ABCC2: variants seen among roughly 807,000 people sequenced by gnomAD.
ABCC2 encodes ATP binding cassette subfamily C member 2, also known as ATP-binding cassette sub-family C member 2.
In ABCC2, 157 loss-of-function variants were observed where a neutral mutation model predicts 173.4. The ratio of observed to expected loss-of-function variants is 0.91; its 90% CI spans 0.80 to 1.03. The LOEUF (loss-of-function observed/expected upper bound fraction) is 1.03. ABCC2 is among the 50% of genes least tolerant of loss of function. The pLI, the probability that ABCC2 is intolerant of heterozygous loss-of-function variation, is 0.00. For missense variants in ABCC2, 1,822 were observed against 1,852.3 expected, an observed-to-expected ratio of 0.98 and a Z score of 0.30; for synonymous variants, 657 against 693.5, an observed-to-expected ratio of 0.95 and a Z score of 0.83.
intron 9 of ABCC2, among the ~76,000 whole-genome samples, chr10:99,802,013 T>C (rs1231231855): frequency 6.6e-6 from 1 of 152,222 alleles, no homozygotes; most frequent in African/African-American, 2.4e-5. Context: ...GATACTGAGT[T>C]TCTGCTGGTT....
At position 99,831,619 on chromosome 10, in the gene ABCC2, C is replaced by G; in HGVS notation, c.2892C>G (p.Phe964Leu). ...AGGTGGGGACTTTGCAGGTGAAGTT[C>G]TCCATCTACCTGGAGTACCTACAAG... ...KEFIETGKVKFSIYLEYLQAI... is the reference protein window; with the variant it reads ...KEFIETGKVKLSIYLEYLQAI... The change falls in exon 22 of 32, where the codon TTC (phenylalanine) becomes TTG (leucine). Residue 964 changes from phenylalanine (F) to leucine (L), a missense_variant. Transcript: ENST00000647814. 6.2e-7 allele frequency: 1 copy of G among 1,614,042 alleles called. No individual in the cohort carries two copies. Among genetic ancestry groups the G allele is most frequent in the Non-Finnish European group, 8.5e-7 (1 of 1,179,928 alleles).
In ABCC2 at chr10:99,832,145, G is replaced by C. The variant is rs2038752417; in HGVS notation, c.3258+14G>C. ...AGGTTTGCCGGCGTAAGTATCTCAA[G>C]AACTGTCAGGTGGTGTGTTTATATA... On this transcript the variant is annotated intron_variant, in intron 23 of 31. Transcript: ENST00000647814. 6.2e-7 allele frequency: 1 copy of C among 1,614,008 alleles called. No individual in the cohort carries two copies. The highest frequency in any genetic ancestry group is 1.3e-5 in the African/African-American group (1 of 74,898).
At chr10:99,841,943 C>G (rs2038952924) in intron 25 of ABCC2, 24 bp from the exon 26 acceptor site, 1 of 1,613,910 alleles carries the variant, frequency 6.2e-7, no homozygotes, top group Non-Finnish European at 8.5e-7. Context: ...GTGACACGCA[C>G]TCTCTGGTTC....
At chr10:99,797,387 A>G (rs2037936584) in intron 7 of ABCC2, 56 bp downstream of exon 7, 1 of 1,470,662 alleles carries the variant, frequency 6.8e-7, no homozygotes, top group South Asian at 1.2e-5. Context: ...GCAAGGGTAC[A>G]TCAGCATCAT....
chr10:99,818,797 A>G lies in ABCC2; in HGVS notation c.2279A>G (p.Asn760Ser), dbSNP rs149694648. ...AATTATTTTCTTCTTCAGGGTATAA[A>G]TCTTAGTGGGGGTCAGAAGCAGCGG... ...DLAEIGEKGI[N>S]LSGGQKQRIS... Residue 760 changes from asparagine to serine, a missense_variant, in exon 18 of 32, where the codon AAT (asparagine) becomes AGT (serine). By Grantham distance (46) the Asn-to-Ser change is conservative. Transcript: ENST00000647814. The G allele has an allele frequency of 1.8e-5, 29 of 1,613,996 alleles. No individual in the cohort carries two copies. The highest frequency in any genetic ancestry group is 2.5e-5 in the Non-Finnish European group (29 of 1,180,042).
Position 99,844,404 on chromosome 10 carries a change from A to G in ABCC2, c.3926A>G (p.Tyr1309Cys), listed in dbSNP as rs972633238. Residue 1309 changes from tyrosine (Y) to cysteine (C), a missense_variant, in exon 28 of 32, where the codon TAC becomes TGC. By Grantham distance (194) the Tyr-to-Cys change is radical. Transcript: ENST00000647814. ...CAGTTTAACAACTACCAAGTGCGGT[A>G]CCGACCTGAGCTGGATCTGGTCCTC... ...KIQFNNYQVR[Y>C]RPELDLVLRG... is the part of the protein sequence containing the mutation. 1.9e-6 allele frequency: 3 copies of G among 1,614,254 alleles called. No individual in the cohort carries two copies. The highest frequency in any genetic ancestry group is 2.5e-6 in the Non-Finnish European group (3 of 1,180,050).
At chr10:99,784,344 A>C (rs1213374098) in intron 1 of ABCC2, among the ~76,000 whole-genome samples, 1 of 152,232 alleles carries the variant, frequency 6.6e-6, no homozygotes, top group Non-Finnish European at 1.5e-5. Flanking sequence ...AGGTTTACTC[A>C]GAATAGCTGG....
chr10:99,849,347 G>A (rs1243929234), intron 30 of ABCC2, among the ~76,000 whole-genome samples: 1 of 152,222 alleles, frequency 6.6e-6, no homozygotes, highest in Non-Finnish European at 1.5e-5. Context: ...GTCAGTAAAT[G>A]CCAGTACAGT....
In ABCC2 at chr10:99,792,144, G is replaced by A. The variant is rs190736822; in HGVS notation, c.208-90G>A. On this transcript the variant is annotated intron_variant, in intron 2 of 31. Coordinates refer to ENST00000647814, the MANE Select transcript of ABCC2 (RefSeq NM_000392.5). ...TGTGTTATCTGAATCACTGCATACC[G>A]CTTTTCCTATCCATCACCGGAAACC... is the stretch of plus-strand genomic sequence containing the variant. 2.3e-4 allele frequency: 355 copies of A among 1,524,508 alleles called. 2 individuals carry two copies. In the South Asian group the frequency reaches 2.4e-3, roughly 10 times the overall value. 94.4% of individuals were successfully genotyped at this position (1,524,508 alleles called of 1,614,324 possible).
chr10:99,821,297 A>G (rs904133971), intron 19 of ABCC2, among the ~76,000 whole-genome samples: 1 of 152,146 alleles, frequency 6.6e-6, no homozygotes, highest in Non-Finnish European at 1.5e-5. Flanking sequence ...ATTGCCCAGG[A>G]ACGGGCAGGA....
Position 99,845,802 on chromosome 10 carries a change from C to A in ABCC2, c.4146+20C>A, listed in dbSNP as rs370967852. 7.5e-6 allele frequency: 12 copies of A among 1,602,156 alleles called. No homozygotes were observed. The African/African-American group carries it at 1.5e-4, about 20-fold the overall frequency. Reference sequence around the variant, plus strand: ...CCCCAGGTGAGCTCTAGAACTTACTCGGGCACATGCCGTGGGGAGCAGCTT... The same window carrying A: ...CCCCAGGTGAGCTCTAGAACTTACTAGGGCACATGCCGTGGGGAGCAGCTT... On this transcript the variant is annotated intron_variant, in intron 29 of 31. Transcript: ENST00000647814.
intron 30 of ABCC2, 109 bp from the exon 31 acceptor site, chr10:99,850,493 T>G: frequency 9.2e-7 from 1 of 1,088,744 alleles, no homozygotes; most frequent in Non-Finnish European, 1.4e-6. Flanking sequence ...AGGGGAATTT[T>G]GGAGGGGGGG....
At chr10:99,797,688 C>A in intron 7 of ABCC2, 1 of 279,036 alleles carries the variant, frequency 3.6e-6, no homozygotes, top group South Asian at 4.2e-5. Context: ...GTGTCAGTGA[C>A]CATTCTGGGC....
intron 6 of ABCC2, among the ~76,000 whole-genome samples, chr10:99,796,081 G>A (rs956866457): frequency 6.6e-5 from 10 of 152,060 alleles, no homozygotes; most frequent in African/African-American, 1.7e-4. Flanking sequence ...ATGGCACAGT[G>A]GCTGGACATA....
chr10:99,851,400 C>T, intron 31 of ABCC2, 102 bp from the exon 32 acceptor site: 1 of 1,373,304 alleles, frequency 7.3e-7, no homozygotes, highest in East Asian at 2.3e-5. Context: ...TGCTTTGTAG[C>T]CTTGTCTGAC....
At chr10:99,804,982 G>A (rs190354397) in intron 10 of ABCC2, among the ~76,000 whole-genome samples, 1 of 152,290 alleles carries the variant, frequency 6.6e-6, no homozygotes, top group African/African-American at 2.4e-5. Context: ...TCAACAGGGT[G>A]ATGAGATAGT....
At chr10:99,795,801 A>AGATAGAG (rs1554847628) in intron 6 of ABCC2, among the ~76,000 whole-genome samples, 15 of 102,384 alleles carry the variant, frequency 1.5e-4, no homozygotes, top group South Asian at 3.3e-4. Context: ...GAAAGAAAGA[A>AGATAGAG]AGATTTCTAA....
chr10:99,809,049 A>T (rs1180173592), intron 13 of ABCC2, among the ~76,000 whole-genome samples: 1 of 152,182 alleles, frequency 6.6e-6, no homozygotes, highest in Admixed American at 6.6e-5. Context: ...GGTCCTCAGG[A>T]TGACACTGAA....
In ABCC2 at chr10:99,819,113, A is replaced by G; in HGVS notation, c.2464A>G (p.Met822Val). The change falls in exon 19 of 32, where the codon ATG becomes GTG. Residue 822 changes from methionine (M) to valine (V), a missense_variant. By Grantham distance (21) the Met-to-Val change is conservative. Coordinates refer to ENST00000647814, the MANE Select transcript of ABCC2 (RefSeq NM_000392.5). ...GACTCGACTCTTGGTTACACATAGC[A>G]TGCACTTTCTTCCTCAAGTGGATGA... ...GKTRLLVTHS[M>V]HFLPQVDEIV... is the part of the protein sequence containing the mutation. 1 of 1,614,182 alleles carries G rather than the reference A, an allele frequency of 6.2e-7. No homozygotes were observed. The highest frequency in any genetic ancestry group is 8.5e-7 in the Non-Finnish European group (1 of 1,180,024).
Sources: allele counts gnomAD v4.1 joint callset (sites outside exome capture counted in the v4.1 genomes callset), GRCh38; gene constraint gnomAD v4.1.1; transcripts MANE v1.5; gene names NCBI Gene and HGNC (gene_info 2026-07-23, HGNC 2026-07-21).